FNBP1L: variants seen among roughly 807,000 people sequenced by gnomAD.
The protein encoded by FNBP1L is formin-binding protein 1-like.
A neutral mutation model predicts 91.2 loss-of-function variants in FNBP1L; 36 were observed. That is an observed-to-expected ratio of 0.39 (90% CI 0.30 to 0.52). The LOEUF (loss-of-function observed/expected upper bound fraction) is 0.52. Ranked by LOEUF, FNBP1L falls within the 20% of genes least tolerant of loss-of-function variation. The pLI, the probability that FNBP1L is intolerant of heterozygous loss-of-function variation, is 0.66. For synonymous variants in FNBP1L, 242 were observed against 237.0 expected (o/e 1.02, Z -0.19); for missense variants, 571 against 732.1 (o/e 0.78, Z 2.54).
At chr1:93,487,647 A>C (rs909110008) in intron 1 of FNBP1L, among the ~76,000 whole-genome samples, 1 of 152,206 alleles carries the variant, frequency 6.6e-6, no homozygotes, top group Non-Finnish European at 1.5e-5. Flanking sequence ...TTAACAGGTC[A>C]ACCTAACTAG....
intron 12 of FNBP1L, among the ~76,000 whole-genome samples, chr1:93,546,375 C>T (rs1337738886): frequency 6.6e-6 from 1 of 152,028 alleles, no homozygotes; most frequent in African/African-American, 2.4e-5. Context: ...TGGCAAATGA[C>T]TGACTTTGGG....
intron 2 of FNBP1L, among the ~76,000 whole-genome samples, chr1:93,514,455 G>A (rs1311672725): frequency 6.6e-6 from 1 of 151,606 alleles, no homozygotes; most frequent in African/African-American, 2.4e-5. Context: ...AGCCCACATT[G>A]CCAAGTCAAT....
chr1:93,477,070 A>G (rs540409798), intron 1 of FNBP1L, among the ~76,000 whole-genome samples: 1 of 152,342 alleles, frequency 6.6e-6, no homozygotes, highest in African/African-American at 2.4e-5. Flanking sequence ...TATTTGTACC[A>G]TATTGCCTGA....
At chr1:93,544,255 A>G in intron 12 of FNBP1L, 39 bp downstream of exon 12, 1 of 1,454,320 alleles carries the variant, frequency 6.9e-7, no homozygotes, top group Non-Finnish European at 9.5e-7. Context: ...TTATTATTTT[A>G]GGATCTACTT....
chr1:93,543,668 G>A (rs559081394), intron 11 of FNBP1L, among the ~76,000 whole-genome samples: 22 of 152,222 alleles, frequency 1.4e-4, no homozygotes, highest in South Asian at 8.3e-4. Context: ...GAATGTCATG[G>A]CAATGGGTTT....
intron 1 of FNBP1L, among the ~76,000 whole-genome samples, chr1:93,497,726 TCTC>T (rs1670314420): frequency 1.3e-5 from 2 of 152,072 alleles, no homozygotes; most frequent in Non-Finnish European, 2.9e-5. Flanking sequence ...TTCAAGCAAT[TCTC>T]CTGCCTCAGC....
At chr1:93,488,798 A>T (rs1670000448) in intron 1 of FNBP1L, among the ~76,000 whole-genome samples, 1 of 152,212 alleles carries the variant, frequency 6.6e-6, no homozygotes, top group Non-Finnish European at 1.5e-5. Flanking sequence ...TATTAGGGTT[A>T]TGGACAGTTT....
intron 2 of FNBP1L, among the ~76,000 whole-genome samples, chr1:93,511,888 C>T (rs1241214446): frequency 7.0e-6 from 1 of 142,960 alleles, no homozygotes; most frequent in East Asian, 2.1e-4. Flanking sequence ...ATGGCGTGAA[C>T]CCGGGAGGCG....
intron 2 of FNBP1L, among the ~76,000 whole-genome samples, chr1:93,515,406 C>T (rs1340082501): frequency 6.6e-6 from 1 of 151,716 alleles, no homozygotes; most frequent in Non-Finnish European, 1.5e-5. Context: ...CCAGCCATCC[C>T]ATTACTGGGT....
At chr1:93,544,277 C>T in intron 12 of FNBP1L, 61 bp downstream of exon 12, 1 of 1,159,160 alleles carries the variant, frequency 8.6e-7, no homozygotes, top group Non-Finnish European at 1.2e-6. Context: ...GAGTGACGCC[C>T]TTAAATGTGA....
chr1:93,531,527 G>A (rs990298900), intron 7 of FNBP1L, among the ~76,000 whole-genome samples: 10 of 152,164 alleles, frequency 6.6e-5, no homozygotes, highest in African/African-American at 9.7e-5. Flanking sequence ...TTATCTCAAC[G>A]AGCAGAGCTT....
chr1:93,526,081 TAA>T (rs1671484173), intron 5 of FNBP1L, among the ~76,000 whole-genome samples: 1 of 152,040 alleles, frequency 6.6e-6, no homozygotes, highest in Non-Finnish European at 1.5e-5. Flanking sequence ...GGAAAAAAAT[TAA>T]AAGACAGTTA....
intron 1 of FNBP1L, among the ~76,000 whole-genome samples, chr1:93,453,028 T>C (rs971606977): frequency 6.6e-6 from 1 of 152,198 alleles, no homozygotes; most frequent in African/African-American, 2.4e-5. Flanking sequence ...CTGCCCAGAA[T>C]GCCCTCTGTT....
intron 2 of FNBP1L, among the ~76,000 whole-genome samples, chr1:93,507,951 G>GTT (rs79539949): frequency 8.6e-5 from 12 of 138,958 alleles, no homozygotes; most frequent in Admixed American, 2.1e-4. Flanking sequence ...CCCTGGCCTA[G>GTT]TTTTTTTTTT....
Position 93,532,876 on chromosome 1 carries a change from T to C in FNBP1L, c.640-46T>C, listed in dbSNP as rs560168338. On this transcript the variant is annotated intron_variant, in intron 7 of 16. Coordinates refer to ENST00000271234, the MANE Select transcript of FNBP1L (RefSeq NM_001164473.3). ...CACTAATTGAACTCCTTTAGAATGA[T>C]TGAAAAATTCAGTTTTCTCTTTTTA... 7 of 1,477,738 alleles carry C rather than the reference T, an allele frequency of 4.7e-6. No individual in the cohort carries two copies. In the African/African-American group the frequency reaches 8.4e-5, roughly 18 times the overall value. 91.5% of individuals were successfully genotyped at this position (1,477,738 alleles called of 1,614,324 possible).
At chr1:93,452,941 C>T (rs1668542657) in intron 1 of FNBP1L, among the ~76,000 whole-genome samples, 1 of 152,016 alleles carries the variant, frequency 6.6e-6, no homozygotes, top group South Asian at 2.1e-4. Flanking sequence ...TTGGCCCTGC[C>T]CTGACAAAAG....
chr1:93,537,534 C>T (rs887795609), intron 10 of FNBP1L, among the ~76,000 whole-genome samples: 1 of 152,058 alleles, frequency 6.6e-6, no homozygotes, highest in Non-Finnish European at 1.5e-5. Flanking sequence ...ACAAACTTAA[C>T]TGATGTTACT....
At chr1:93,544,912 T>C (rs1419937998) in intron 12 of FNBP1L, among the ~76,000 whole-genome samples, 1 of 152,142 alleles carries the variant, frequency 6.6e-6, no homozygotes, top group Non-Finnish European at 1.5e-5. Flanking sequence ...GTAAAGTCAC[T>C]GTGAACACTA....
chr1:93,515,530 G>A (rs940917275), intron 2 of FNBP1L, among the ~76,000 whole-genome samples: 9 of 152,042 alleles, frequency 5.9e-5, no homozygotes, highest in African/African-American at 2.2e-4. Flanking sequence ...GTCCAATAAT[G>A]ATAGACTGGA....
Sources: allele counts gnomAD v4.1 joint callset (sites outside exome capture counted in the v4.1 genomes callset), GRCh38; gene constraint gnomAD v4.1.1; transcripts MANE v1.5; gene names NCBI Gene and HGNC (gene_info 2026-07-23, HGNC 2026-07-21).